Variants in SNED1 observed in about 807,000 individuals in gnomAD.
SNED1 encodes the protein sushi, nidogen and EGF-like domain-containing protein 1.
In SNED1, 81 loss-of-function variants were observed where a neutral mutation model predicts 166.7. The ratio of observed to expected loss-of-function variants is 0.49; its 90% CI spans 0.41 to 0.58. The LOEUF (loss-of-function observed/expected upper bound fraction) is 0.58, where lower values mean the gene tolerates loss of function less well. SNED1 is among the 20% of genes least tolerant of loss of function. SNED1 has a pLI of 0.00. For synonymous variants in SNED1, 762 were observed against 822.0 expected (o/e 0.93, Z 1.25); for missense variants, 1,604 against 2,000.2 (o/e 0.80, Z 3.78).
intron 12 of SNED1, among the ~76,000 whole-genome samples, chr2:241,050,657 G>T (rs977389664): frequency 6.6e-5 from 10 of 152,202 alleles, no homozygotes; most frequent in Non-Finnish European, 1.3e-4. Flanking sequence ...GGTAGAACAG[G>T]TTTCCAAAGA....
In SNED1 at chr2:241,030,257, TC is replaced by T. The variant is rs61406836; in HGVS notation, c.214-23del. 11,347 of 1,533,932 alleles carry T rather than the reference TC, an allele frequency of 7.4e-3. 588 individuals carry two copies. The African/African-American group carries it at 0.12, about 17-fold the overall frequency. On this transcript the variant is annotated intron_variant, in intron 1 of 31. Coordinates refer to ENST00000310397, the MANE Select transcript of SNED1 (RefSeq NM_001080437.3). ...CCGCCTGCCCACAGCCCCCAGTCAATCCCCGCTCTGGCTTTCTGCCTCCCAG... is the reference window on the plus strand; with the variant it reads ...CCGCCTGCCCACAGCCCCCAGTCAATCCCGCTCTGGCTTTCTGCCTCCCAG...
intron 1 of SNED1, among the ~76,000 whole-genome samples, chr2:241,009,761 C>T (rs375660671): frequency 6.6e-6 from 1 of 152,202 alleles, no homozygotes; most frequent in Admixed American, 6.5e-5. Flanking sequence ...TCTCTTCCCT[C>T]CCACTGGAAC....
chr2:241,049,166 C>T (rs1178149978), intron 11 of SNED1, 31 bp downstream of exon 11: 2 of 1,555,276 alleles, frequency 1.3e-6, no homozygotes, highest in Non-Finnish European at 1.8e-6. Flanking sequence ...CCTGCTGGGC[C>T]GGGGGCCCGG....
rs778409619 is a variant in SNED1 at position 241,024,538 on chromosome 2, AC to A, written c.214-5743del. 8.6e-5 allele frequency among the ~76,000 whole-genome samples: 13 copies of A among 151,072 alleles called. No homozygotes were observed. The East Asian group carries it at 2.3e-3, about 27-fold the overall frequency. On this transcript the variant is annotated intron_variant, in intron 1 of 31. Transcript: ENST00000310397. ...TGGGATTACAGGTGTAAGCCACCGC[AC>A]CCAGCCACCCTACTACCTTTTTTGT...
In SNED1 at chr2:241,048,756, CTG is replaced by C; in HGVS notation, c.1497_1498del (p.Cys499Ter). The C allele has an allele frequency of 1.2e-6, 2 of 1,610,480 alleles. No individual in the cohort carries two copies. Among genetic ancestry groups the C allele is most frequent in the Non-Finnish European group, 1.7e-6 (2 of 1,178,480 alleles). On this transcript the variant is annotated frameshift_variant, in exon 10 of 32. Transcript: ENST00000310397. LOFTEE classifies it high-confidence loss of function. ...GCCCCCTGGGATTCTTTGGGCTTCT[CTG>C]TGAATTTGGTAGGTGCCCAGGTCAC... ...QCPLGFFGLLCEFEITAMPCN... is the reference protein window; with the variant it reads ...QCPLGFFGLLXEFEITAMPCN...
chr2:240,998,303 C>T (rs2059972676), upstream of SNED1, among the ~76,000 whole-genome samples: 1 of 152,256 alleles, frequency 6.6e-6, no homozygotes, highest in Non-Finnish European at 1.5e-5. Context: ...CCCCTCCCGC[C>T]CCCCGCGTGA....
chr2:241,061,510 G>T (rs1335158692), intron 16 of SNED1, among the ~76,000 whole-genome samples: 2 of 152,150 alleles, frequency 1.3e-5, no homozygotes. Flanking sequence ...TCCAGCAATT[G>T]CACTTCTGGG....
intron 8 of SNED1, 90 bp downstream of exon 8, chr2:241,040,503 C>A: frequency 3.8e-6 from 3 of 791,544 alleles, no homozygotes; most frequent in Non-Finnish European, 6.0e-6. Context: ...TCCTTCCTTG[C>A]CATCTGACTC....
intron 1 of SNED1, among the ~76,000 whole-genome samples, chr2:241,025,735 G>A (rs944340907): frequency 6.6e-6 from 1 of 151,960 alleles, no homozygotes; most frequent in Non-Finnish European, 1.5e-5. Context: ...TATTTTATCT[G>A]GATATAAGAC....
intron 3 of SNED1, among the ~76,000 whole-genome samples, 161 bp downstream of exon 3, chr2:241,034,036 C>T (rs1195930037): frequency 1.3e-5 from 2 of 152,224 alleles, no homozygotes; most frequent in South Asian, 4.1e-4. Flanking sequence ...AGGCCTCTCA[C>T]TGCCCAAAAA....
chr2:241,052,137 C>T lies in SNED1; in HGVS notation c.1949C>T (p.Ser650Phe). The T allele has an allele frequency of 6.2e-7, 1 of 1,613,796 alleles. No individual in the cohort carries two copies. The highest frequency in any genetic ancestry group is 1.1e-5 in the South Asian group (1 of 91,066). ...AAGTGTGACTGTCCCCCAGGCTTCT[C>T]CGGGCGGCACTGCGAGATAGGTAAG... The part of the protein sequence containing the change: ...KYKCDCPPGF[S>F]GRHCEIAPSP... Residue 650 changes from serine to phenylalanine, a missense_variant, in exon 14 of 32, where the codon TCC becomes TTC. Ser to Phe is a radical substitution (Grantham distance 155, BLOSUM62 -2). Transcript: ENST00000310397.
chr2:241,050,090 G>A (rs916365363), intron 12 of SNED1, 157 bp downstream of exon 12: 30 of 698,584 alleles, frequency 4.3e-5, no homozygotes, highest in Non-Finnish European at 7.7e-5. Flanking sequence ...GTATTTAGAG[G>A]TGAGCACCTC....
chr2:241,002,100 C>G (rs984329126), intron 1 of SNED1, among the ~76,000 whole-genome samples: 1 of 152,194 alleles, frequency 6.6e-6, no homozygotes, highest in Admixed American at 6.5e-5. Context: ...CACATGCAGC[C>G]TGTGACCTTT....
intron 10 of SNED1, 93 bp downstream of exon 10, chr2:241,048,859 A>T (rs1393030976): frequency 1.3e-5 from 16 of 1,243,416 alleles, no homozygotes; most frequent in Non-Finnish European, 1.7e-5. Flanking sequence ...GTAGGTCCAG[A>T]CTGTCGACCA....
rs1193310165 is a variant in SNED1 at position 240,998,818 on chromosome 2, C to T, written c.-20C>T. 1.7e-6 allele frequency: 2 copies of T among 1,170,400 alleles called. No individual in the cohort carries two copies. Among genetic ancestry groups the T allele is most frequent in the Admixed American group, 4.4e-5 (1 of 22,558 alleles). 72.5% of individuals were successfully genotyped at this position (1,170,400 alleles called of 1,614,324 possible). ...GCGCCCTGCTCCGCCAGCGCCCCGT[C>T]CCGCCCGCACACCTCCGCGATGCGG... On this transcript the variant is annotated 5_prime_UTR_variant, in exon 1 of 32. Coordinates refer to ENST00000310397, the MANE Select transcript of SNED1 (RefSeq NM_001080437.3).
chr2:241,065,714 A>C, intron 21 of SNED1, 119 bp downstream of exon 21: 1 of 884,274 alleles, frequency 1.1e-6, no homozygotes, highest in Non-Finnish European at 1.7e-6. Context: ...TGCAGCAGCA[A>C]GACAGACAGC....
intron 29 of SNED1, among the ~76,000 whole-genome samples, chr2:241,085,890 A>AGTG (rs1194153252): frequency 5.0e-5 from 6 of 119,358 alleles, no homozygotes; most frequent in Non-Finnish European, 9.7e-5. Flanking sequence ...TTTTTGAGAC[A>AGTG]GTGTCTTGCT....
chr2:241,003,111 C>G (rs891410500), intron 1 of SNED1, among the ~76,000 whole-genome samples: 8 of 151,414 alleles, frequency 5.3e-5, no homozygotes, highest in East Asian at 2.0e-4. Flanking sequence ...TCCCTGCCCC[C>G]CTCCGCCCTC....
chr2:241,031,739 G>A (rs1051756326), intron 2 of SNED1, among the ~76,000 whole-genome samples: 13 of 152,202 alleles, frequency 8.5e-5, no homozygotes, highest in Non-Finnish European at 1.3e-4. Context: ...CGGCCCTCGC[G>A]TCTTTGTTTG....
Sources: gnomAD v4.1 joint callset for allele counts (sites outside exome capture counted in the v4.1 genomes callset) on GRCh38, gnomAD v4.1.1 for gene constraint, MANE v1.5 for transcripts, NCBI Gene and HGNC (gene_info 2026-07-23, HGNC 2026-07-21) for gene names.